CDH10: variants seen among roughly 807,000 people sequenced by gnomAD.
The protein encoded by CDH10 is cadherin 10.
In CDH10, 30 loss-of-function variants were observed where a neutral mutation model predicts 73.1. That is an observed-to-expected ratio of 0.41 (90% CI 0.31 to 0.56). The LOEUF (loss-of-function observed/expected upper bound fraction) is 0.56, where lower values mean the gene tolerates loss of function less well. Ranked by LOEUF, CDH10 falls within the 20% of genes least tolerant of loss-of-function variation. The pLI is 0.27. For missense variants in CDH10, 815 were observed against 973.7 expected (o/e 0.84, Z 2.17); for synonymous variants, 345 against 348.2 (o/e 0.99, Z 0.10).
chr5:24,642,186 T>C (rs942639773), intron 1 of CDH10, among the ~76,000 whole-genome samples: 6 of 152,132 alleles, frequency 3.9e-5, no homozygotes, highest in Admixed American at 2.0e-4. Context: ...TGATTCAGCA[T>C]CATCAGAGCC....
At chr5:24,577,694 T>C (rs1316421548) in intron 2 of CDH10, among the ~76,000 whole-genome samples, 1 of 152,188 alleles carries the variant, frequency 6.6e-6, no homozygotes, top group African/African-American at 2.4e-5. Context: ...AACTCCTAAA[T>C]TAATTCTAAA....
At chr5:24,601,761 G>A (rs575844172) in intron 1 of CDH10, among the ~76,000 whole-genome samples, 1 of 151,872 alleles carries the variant, frequency 6.6e-6, no homozygotes, top group East Asian at 1.9e-4. Context: ...TTGTGCCAGT[G>A]GAAGGAAAGC....
chr5:24,491,511 C>T (rs2111634592), intron 11 of CDH10, 65 bp downstream of exon 11: 1 of 1,436,906 alleles, frequency 7.0e-7, no homozygotes, highest in Non-Finnish European at 9.5e-7. Context: ...TTTTAATAGC[C>T]ACAATTCTTC....
At chr5:24,601,461 T>C (rs150544786) in intron 1 of CDH10, among the ~76,000 whole-genome samples, 318 of 152,244 alleles carry the variant, frequency 2.1e-3, no homozygotes, top group African/African-American at 6.9e-3. Flanking sequence ...TGTCCTTATC[T>C]AGGAGACATC....
chr5:24,501,255 C>T (rs964121408), intron 8 of CDH10, among the ~76,000 whole-genome samples: 1 of 152,074 alleles, frequency 6.6e-6, no homozygotes, highest in Admixed American at 6.6e-5. Context: ...CCGTCGTCAG[C>T]CCCTTCCCTA....
intron 11 of CDH10, among the ~76,000 whole-genome samples, chr5:24,490,709 T>C (rs1161243307): frequency 1.3e-5 from 2 of 152,162 alleles, no homozygotes; most frequent in Non-Finnish European, 2.9e-5. Flanking sequence ...AAAAACATGC[T>C]CTTTTTATAA....
intron 2 of CDH10, among the ~76,000 whole-genome samples, chr5:24,550,160 T>A (rs1309577838): frequency 6.6e-6 from 1 of 152,094 alleles, no homozygotes; most frequent in East Asian, 1.9e-4. Context: ...ATAAAGTACA[T>A]GAAAATAATA....
intron 2 of CDH10, among the ~76,000 whole-genome samples, chr5:24,558,782 A>C (rs1352342508): frequency 1.3e-5 from 2 of 151,892 alleles, no homozygotes; most frequent in Admixed American, 1.3e-4. Flanking sequence ...ACGTTTACAA[A>C]GCTTGTGCAA....
chr5:24,635,683 AG>A (rs1747845534), intron 1 of CDH10, among the ~76,000 whole-genome samples: 1 of 152,020 alleles, frequency 6.6e-6, no homozygotes, highest in African/African-American at 2.4e-5. Context: ...TTAAGCTTTC[AG>A]GTTACATTCA....
intron 8 of CDH10, among the ~76,000 whole-genome samples, chr5:24,502,299 T>C (rs184895868): frequency 3.3e-5 from 5 of 152,306 alleles, no homozygotes; most frequent in African/African-American, 7.2e-5. Context: ...AATAATTACC[T>C]GGAGTGGTGC....
chr5:24,544,187 G>A lies in CDH10; in HGVS notation c.232-6513C>T, dbSNP rs572611123. ...TGCATGTCTGTAGTCCCAGCTACGT[G>A]GGAGGTTAAGGCAGGAGAATCTCTT... On this transcript the variant is annotated intron_variant, in intron 2 of 11. Coordinates refer to ENST00000264463, the MANE Select transcript of CDH10 (RefSeq NM_006727.5). Among the ~76,000 whole-genome samples, 19 of 152,152 alleles carry A rather than the reference G, an allele frequency of 1.2e-4. No individual in the cohort carries two copies. In the South Asian group the frequency reaches 2.7e-3, roughly 22 times the overall value.
chr5:24,492,194 T>G (rs2111644932), intron 10 of CDH10, among the ~76,000 whole-genome samples: 1 of 152,368 alleles, frequency 6.6e-6, no homozygotes. Flanking sequence ...GTTTTTTAAT[T>G]TATGTGCATC....
At chr5:24,534,989 C>G in intron 5 of CDH10, 123 bp downstream of exon 5, 1 of 885,830 alleles carries the variant, frequency 1.1e-6, no homozygotes, top group Non-Finnish European at 1.7e-6. Flanking sequence ...TTTTGTATCA[C>G]ATTTTCAATA....
chr5:24,518,884 C>T (rs1233851074), intron 5 of CDH10, among the ~76,000 whole-genome samples: 61 of 77,458 alleles, frequency 7.9e-4, no homozygotes, highest in African/African-American at 3.0e-3. Flanking sequence ...GACATGTGCA[C>T]TTTTTTTTTT....
chr5:24,620,195 C>T (rs373449466), intron 1 of CDH10, among the ~76,000 whole-genome samples: 32 of 152,228 alleles, frequency 2.1e-4, no homozygotes, highest in African/African-American at 7.2e-4. Flanking sequence ...TTATTAAACA[C>T]ATCAATAGTT....
intron 2 of CDH10, among the ~76,000 whole-genome samples, chr5:24,581,467 T>C (rs1013551317): frequency 4.6e-5 from 7 of 152,184 alleles, no homozygotes; most frequent in African/African-American, 1.7e-4. Context: ...CTTACATTTG[T>C]AACAACTATA....
chr5:24,554,116 G>GAGAGAGAGAGAGAGAGGAGAGA lies in CDH10; in HGVS notation c.232-16443_232-16442insTCTCTCCTCTCTCTCTCTCTCT, dbSNP rs1561159236. 4 of 26,336 alleles carry GAGAGAGAGAGAGAGAGGAGAGA rather than the reference G, an allele frequency of 1.5e-4. 1 individual carries two copies. The highest frequency in any genetic ancestry group is 3.7e-4 in the Non-Finnish European group (4 of 10,920). The allele number at this position is 26,336 out of a possible 1,614,324, so 1.6% of individuals were successfully genotyped here. A position where few individuals can be genotyped will look rare whatever the true frequency, so the allele number is the denominator to read the frequency against. On this transcript the variant is annotated intron_variant, in intron 2 of 11. Coordinates refer to ENST00000264463, the MANE Select transcript of CDH10 (RefSeq NM_006727.5). ...GAGAGAGAAGGGGAGGTGGGCGGGGGGGGGAGAGAGAGAGACATTCAATCA... is the reference window on the plus strand; with the variant it reads ...GAGAGAGAAGGGGAGGTGGGCGGGGGAGAGAGAGAGAGAGAGGAGAGAGGGGAGAGAGAGAGACATTCAATCA...
chr5:24,547,205 A>T (rs545836132), intron 2 of CDH10, among the ~76,000 whole-genome samples: 1 of 152,334 alleles, frequency 6.6e-6, no homozygotes, highest in African/African-American at 2.4e-5. Context: ...ATCATTGTAA[A>T]CATCTGTAAT....
intron 5 of CDH10, among the ~76,000 whole-genome samples, chr5:24,520,876 G>A (rs1458594420): frequency 6.8e-6 from 1 of 147,664 alleles, no homozygotes; most frequent in East Asian, 2.0e-4. Flanking sequence ...ACAGGCATGT[G>A]CCACTGCACC....
Sources: allele counts gnomAD v4.1 joint callset (sites outside exome capture counted in the v4.1 genomes callset), GRCh38; gene constraint gnomAD v4.1.1; transcripts MANE v1.5; gene names NCBI Gene and HGNC (gene_info 2026-07-23, HGNC 2026-07-21).